Variants in TCF12 observed in about 807,000 individuals in gnomAD.
The protein encoded by TCF12 is transcription factor 12.
TCF12 carries 45 observed loss-of-function variants against 86.0 expected under a neutral mutation model. The ratio of observed to expected loss-of-function variants is 0.52; its 90% CI spans 0.41 to 0.67. The LOEUF (loss-of-function observed/expected upper bound fraction) is 0.67. Ranked by LOEUF, TCF12 falls within the 30% of genes least tolerant of loss-of-function variation. The pLI is 0.00. For missense variants in TCF12, 881 were observed against 859.9 expected, an observed-to-expected ratio of 1.02 and a Z score of -0.31; for synonymous variants, 330 against 299.6, an observed-to-expected ratio of 1.10 and a Z score of -1.05.
In TCF12 at chr15:57,232,678, A is replaced by G. The variant is rs201916994; in HGVS notation, c.826-34A>G. ...ATTTTATGTGAATATTATTCAGAAA[A>G]TATATTTAATAGATCATATCTCTTT... On this transcript the variant is annotated intron_variant, in intron 10 of 20. Coordinates refer to ENST00000333725, the MANE Select transcript of TCF12 (RefSeq NM_207037.2). The G allele has an allele frequency of 2.0e-5, 31 of 1,589,396 alleles. 1 individual carries two copies. The South Asian group carries it at 2.5e-4, about 13-fold the overall frequency.
intron 3 of TCF12, among the ~76,000 whole-genome samples, chr15:57,026,392 G>C (rs1359194506): frequency 6.6e-6 from 1 of 152,198 alleles, no homozygotes; most frequent in Non-Finnish European, 1.5e-5. Flanking sequence ...ACTGTCTTGA[G>C]AGGCCTAGTG....
intron 19 of TCF12, among the ~76,000 whole-genome samples, chr15:57,277,426 C>G (rs1311942285): frequency 1.3e-5 from 2 of 151,404 alleles, no homozygotes; most frequent in South Asian, 2.1e-4. Flanking sequence ...GTCAAGAGAT[C>G]GAGACCATCC....
intron 4 of TCF12, among the ~76,000 whole-genome samples, chr15:57,065,153 G>A (rs2068767909): frequency 6.6e-6 from 1 of 152,182 alleles, no homozygotes. Context: ...TATATAAAGA[G>A]GCTGTTAAAG....
chr15:56,961,152 C>A (rs2061734676), intron 3 of TCF12, among the ~76,000 whole-genome samples: 1 of 150,416 alleles, frequency 6.6e-6, no homozygotes, highest in South Asian at 2.1e-4. Flanking sequence ...AAAATCAGTT[C>A]ATTAAATAAG....
intron 19 of TCF12, among the ~76,000 whole-genome samples, chr15:57,275,434 C>T (rs769917508): frequency 1.3e-4 from 7 of 52,522 alleles, no homozygotes; most frequent in Non-Finnish European, 2.7e-4. Context: ...CGTCTATAGG[C>T]CTGAGCCACC....
At chr15:56,929,999 G>A (rs2060175880) in intron 3 of TCF12, among the ~76,000 whole-genome samples, 1 of 152,138 alleles carries the variant, frequency 6.6e-6, no homozygotes, top group Non-Finnish European at 1.5e-5. Context: ...TTTTGCCTGT[G>A]AGCTATTTCC....
intron 5 of TCF12, among the ~76,000 whole-genome samples, chr15:57,144,260 G>C (rs528776584): frequency 3.9e-5 from 6 of 152,136 alleles, no homozygotes; most frequent in Non-Finnish European, 5.9e-5. Context: ...CAGAAAGAAA[G>C]GGATAGATAC....
intron 3 of TCF12, 27 bp from the exon 4 acceptor site, chr15:57,063,723 A>T (rs747954293): frequency 1.3e-6 from 2 of 1,573,272 alleles, no homozygotes; most frequent in African/African-American, 2.7e-5. Context: ...GTTTTTAGAT[A>T]TATCTTTTAT....
chr15:57,266,646 A>C (rs1391983549), intron 18 of TCF12, among the ~76,000 whole-genome samples: 9 of 152,198 alleles, frequency 5.9e-5, no homozygotes, highest in Admixed American at 4.6e-4. Flanking sequence ...AATGGACTTG[A>C]CTTTGCTTTG....
chr15:57,103,565 G>A (rs1419045532), intron 5 of TCF12, among the ~76,000 whole-genome samples: 1 of 152,164 alleles, frequency 6.6e-6, no homozygotes, highest in Admixed American at 6.5e-5. Flanking sequence ...CCCAATAAAA[G>A]AAGACATTGT....
chr15:57,130,016 T>A (rs2051983130), intron 5 of TCF12: 1 of 152,246 alleles, frequency 6.6e-6, no homozygotes, highest in African/African-American at 2.4e-5. Context: ...CTTTTATATC[T>A]TTGCTGTAAA....
chr15:57,110,981 A>G (rs2050449931), intron 5 of TCF12, among the ~76,000 whole-genome samples: 1 of 152,214 alleles, frequency 6.6e-6, no homozygotes, highest in Admixed American at 6.5e-5. Context: ...AGAAATGTAG[A>G]ATTCCAGTTA....
chr15:57,282,973 A>G (rs1183061705), intron 20 of TCF12, among the ~76,000 whole-genome samples: 12 of 152,248 alleles, frequency 7.9e-5, no homozygotes, highest in African/African-American at 1.2e-4. Flanking sequence ...AATGCTGACT[A>G]TATCATCAAC....
At chr15:56,979,923 C>T (rs925743553) in intron 3 of TCF12, among the ~76,000 whole-genome samples, 3 of 152,168 alleles carry the variant, frequency 2.0e-5, no homozygotes, top group African/African-American at 4.8e-5. Flanking sequence ...TTAATCGTAA[C>T]AGTGGATTTG....
At position 57,055,052 on chromosome 15, in the gene TCF12, A is replaced by G. The variant is rs1458906486; in HGVS notation, c.149-8698A>G. On this transcript the variant is annotated intron_variant, in intron 3 of 20. Transcript: ENST00000333725. ...CATTAAAGGAAAAATTAGTCTTTTTATTTATTATATATGATACTATTCCCT... is the reference window on the plus strand; with the variant it reads ...CATTAAAGGAAAAATTAGTCTTTTTGTTTATTATATATGATACTATTCCCT... 1.1e-4 allele frequency among the ~76,000 whole-genome samples: 17 copies of G among 151,956 alleles called. No individual in the cohort carries two copies. The South Asian group carries it at 3.1e-3, about 28-fold the overall frequency.
At chr15:57,223,039 A>G (rs546017365) in intron 8 of TCF12, among the ~76,000 whole-genome samples, 13 of 150,704 alleles carry the variant, frequency 8.6e-5, no homozygotes, top group Admixed American at 1.3e-4. Flanking sequence ...GGAATCTGGG[A>G]AAAAAAAGAA....
chr15:57,040,209 A>G (rs2066803788), intron 3 of TCF12, among the ~76,000 whole-genome samples: 1 of 152,214 alleles, frequency 6.6e-6, no homozygotes, highest in Admixed American at 6.5e-5. Flanking sequence ...TACATTCTTA[A>G]TGCAACAAAA....
chr15:57,056,860 AC>A (rs2068073111), intron 3 of TCF12, among the ~76,000 whole-genome samples: 2 of 149,610 alleles, frequency 1.3e-5, no homozygotes, highest in Non-Finnish European at 3.0e-5. Flanking sequence ...GAGCATAGTT[AC>A]AGCATCTGCT....
At chr15:56,973,798 A>T (rs1474087580) in intron 3 of TCF12, among the ~76,000 whole-genome samples, 1 of 152,122 alleles carries the variant, frequency 6.6e-6, no homozygotes, top group Non-Finnish European at 1.5e-5. Context: ...CATGTGATTA[A>T]AGTTTTATCA....
Sources: allele counts gnomAD v4.1 joint callset (sites outside exome capture counted in the v4.1 genomes callset), GRCh38; gene constraint gnomAD v4.1.1; transcripts MANE v1.5; gene names NCBI Gene and HGNC (gene_info 2026-07-23, HGNC 2026-07-21).